The following ASCC3 variants were observed in gnomAD, a reference collection of about 807,000 sequenced individuals.
ASCC3 encodes ASC-1 complex subunit P200.
A neutral mutation model predicts 256.3 loss-of-function variants in ASCC3; 158 were observed. That is an observed-to-expected ratio of 0.62 (90% confidence interval 0.54 to 0.70). The LOEUF is 0.70. Among genes scored for constraint, ASCC3 ranks in the 30% least tolerant of loss-of-function variants. ASCC3 has a pLI of 0.00. For missense variants in ASCC3, 2,259 were observed against 2,626.0 expected (o/e 0.86, Z 3.05); for synonymous variants, 948 against 883.4 (o/e 1.07, Z -1.30).
intron 3 of ASCC3, among the ~76,000 whole-genome samples, chr6:100,854,083 T>C (rs574336130): frequency 6.8e-6 from 1 of 146,946 alleles, no homozygotes; most frequent in South Asian, 2.1e-4. Context: ...AATATTTTCC[T>C]CAATTTTACA....
chr6:100,591,900 CA>C (rs1270788951), intron 34 of ASCC3, among the ~76,000 whole-genome samples: 1 of 151,434 alleles, frequency 6.6e-6, no homozygotes, highest in African/African-American at 2.4e-5. Flanking sequence ...TTAAAACTAT[CA>C]ATGAAAAAAA....
chr6:100,711,108 T>C (rs1243101087), intron 13 of ASCC3, among the ~76,000 whole-genome samples: 4 of 152,190 alleles, frequency 2.6e-5, no homozygotes, highest in South Asian at 2.1e-4. Context: ...AAGTAACTTA[T>C]TCTAATGCGA....
At chr6:100,556,184 C>T (rs1046420080) in intron 36 of ASCC3, among the ~76,000 whole-genome samples, 2 of 152,078 alleles carry the variant, frequency 1.3e-5, no homozygotes, top group Admixed American at 1.3e-4. Flanking sequence ...TAAGGCATAG[C>T]ATTAAAACCT....
At position 100,738,132 on chromosome 6, in the gene ASCC3, G is replaced by A. The variant is rs978508905; in HGVS notation, c.1738-12429C>T. ...GCTGAATATAAGACCTTTGTCAGAT[G>A]GATAGATTGAGAAAGTTTTATCCCA... On this transcript the variant is annotated intron_variant, in intron 10 of 41. Coordinates refer to ENST00000369162, the MANE Select transcript of ASCC3 (RefSeq NM_006828.4). Among the ~76,000 whole-genome samples the A allele has an allele frequency of 4.6e-5, 7 of 152,100 alleles. No individual in the cohort carries two copies. In the South Asian group the frequency reaches 6.2e-4, roughly 13 times the overall value.
intron 36 of ASCC3, among the ~76,000 whole-genome samples, chr6:100,564,167 C>T (rs1320040728): frequency 2.7e-5 from 4 of 149,142 alleles, no homozygotes; most frequent in Admixed American, 6.7e-5. Flanking sequence ...TTTTTTAATA[C>T]GTGCATACAA....
intron 4 of ASCC3, among the ~76,000 whole-genome samples, chr6:100,837,906 A>T (rs188768221): frequency 6.6e-6 from 1 of 152,244 alleles, no homozygotes; most frequent in Non-Finnish European, 1.5e-5. Flanking sequence ...AAAAGGAATG[A>T]TAAATGTATG....
chr6:100,660,861 T>C (rs1355662415), intron 16 of ASCC3, among the ~76,000 whole-genome samples: 1 of 151,738 alleles, frequency 6.6e-6, no homozygotes, highest in Non-Finnish European at 1.5e-5. Flanking sequence ...TCCAACATTA[T>C]TGCACTGTGT....
Position 100,650,667 on chromosome 6 carries a change from A to G in ASCC3, c.3123T>C (p.Phe1041=). The change falls in exon 20 of 42, where the codon TTT becomes TTC. Residue 1041 remains phenylalanine (F), a synonymous_variant. Coordinates refer to ENST00000369162, the MANE Select transcript of ASCC3 (RefSeq NM_006828.4). The part of the protein sequence containing the change: ...IEELDTLLSN[F]CELSTPGGVE... Reference sequence around the variant, plus strand: ...CACCTCCAGGAGTGGAGAGTTCACAAAAATTGCTTAATAAGGTATCTAACT... The same window carrying G: ...CACCTCCAGGAGTGGAGAGTTCACAGAAATTGCTTAATAAGGTATCTAACT... The G allele has an allele frequency of 1.2e-6, 2 of 1,612,356 alleles. No homozygotes were observed. The highest frequency in any genetic ancestry group is 1.7e-6 in the Non-Finnish European group (2 of 1,178,758).
Position 100,627,691 on chromosome 6 carries a change from C to A in ASCC3, c.4541G>T (p.Arg1514Leu). 1 of 1,613,418 alleles carries A rather than the reference C, an allele frequency of 6.2e-7. No homozygotes were observed. Among genetic ancestry groups the A allele is most frequent in the South Asian group, 1.1e-5 (1 of 91,018 alleles). ...CAGTGGAACTGGGCGTACTGATGGT[C>A]GGAAGTTAAACAAGCCCATCTAGAG... Reference protein sequence around the residue: ...NIKQMGLFNFRPSVRPVPLEV... With the variant: ...NIKQMGLFNFLPSVRPVPLEV... The change falls in exon 29 of 42, where the codon CGA becomes CTA. Residue 1514 changes from arginine to leucine, a missense_variant. By Grantham distance (102) the Arg-to-Leu change is moderately radical. This residue lies in a region of ASCC3 where 1,839 missense variants were observed against 2,206.7 expected (regional missense o/e 0.83). Coordinates refer to ENST00000369162, the MANE Select transcript of ASCC3 (RefSeq NM_006828.4).
chr6:100,862,236 A>G (rs565330401), intron 3 of ASCC3, among the ~76,000 whole-genome samples: 1 of 152,254 alleles, frequency 6.6e-6, no homozygotes, highest in East Asian at 1.9e-4. Context: ...GCCATTACAA[A>G]CCTCATCAAA....
intron 32 of ASCC3, 29 bp from the exon 33 acceptor site, chr6:100,605,729 T>C (rs1562158307): frequency 1.2e-6 from 2 of 1,610,988 alleles, no homozygotes; most frequent in Non-Finnish European, 1.7e-6. Context: ...AGAGATATTC[T>C]ACAATGTGGC....
intron 36 of ASCC3, among the ~76,000 whole-genome samples, chr6:100,546,536 C>T (rs780100737): frequency 1.3e-5 from 2 of 152,048 alleles, no homozygotes; most frequent in African/African-American, 4.8e-5. Context: ...ACATTAAAAA[C>T]GTGCTTGCAT....
chr6:100,669,552 C>T (rs1776640066), intron 14 of ASCC3, among the ~76,000 whole-genome samples: 2 of 151,584 alleles, frequency 1.3e-5, no homozygotes, highest in South Asian at 4.2e-4. Context: ...ACTAACTTAA[C>T]TAAAATATGA....
intron 37 of ASCC3, among the ~76,000 whole-genome samples, chr6:100,527,655 A>T (rs1774648365): frequency 6.6e-6 from 1 of 152,186 alleles, no homozygotes; most frequent in Admixed American, 6.6e-5. Flanking sequence ...AATCTACTAC[A>T]AATGAGAATC....
intron 10 of ASCC3, among the ~76,000 whole-genome samples, chr6:100,758,322 C>T (rs779366848): frequency 4.6e-5 from 7 of 151,784 alleles, no homozygotes; most frequent in Non-Finnish European, 8.8e-5. Flanking sequence ...ATGTGTGCCA[C>T]GGTGGTTTCC....
chr6:100,629,897 T>G (rs1206957959), intron 26 of ASCC3, among the ~76,000 whole-genome samples: 2 of 152,006 alleles, frequency 1.3e-5, no homozygotes, highest in Non-Finnish European at 2.9e-5. Context: ...AAATAATTTC[T>G]TTTCTTTCTT....
At chr6:100,719,082 TA>T (rs1473845793) in intron 11 of ASCC3, among the ~76,000 whole-genome samples, 1 of 152,120 alleles carries the variant, frequency 6.6e-6, no homozygotes, top group Non-Finnish European at 1.5e-5. Context: ...GGTTAGGACC[TA>T]ATCTGTAGGC....
At chr6:100,614,593 C>G (rs533576786) in intron 30 of ASCC3, among the ~76,000 whole-genome samples, 2 of 152,250 alleles carry the variant, frequency 1.3e-5, no homozygotes, top group Non-Finnish European at 2.9e-5. Context: ...AACAGGCAGT[C>G]AGTATTGACC....
At chr6:100,737,975 A>C (rs1780261105) in intron 10 of ASCC3, among the ~76,000 whole-genome samples, 1 of 152,154 alleles carries the variant, frequency 6.6e-6, no homozygotes, top group African/African-American at 2.4e-5. Context: ...TCTAATGATC[A>C]GTGATGTTGA....
Sources: allele counts gnomAD v4.1 joint callset (sites outside exome capture counted in the v4.1 genomes callset), GRCh38; gene constraint gnomAD v4.1.1; regional missense constraint gnomAD v4.1.1; transcripts MANE v1.5; gene names NCBI Gene and HGNC (gene_info 2026-07-23, HGNC 2026-07-21).